The following PLK2 variants were observed in gnomAD, a reference collection of about 807,000 sequenced individuals.
PLK2 encodes serine/threonine-protein kinase PLK2.
PLK2 carries 25 observed loss-of-function variants against 78.1 expected under a neutral mutation model. The ratio of observed to expected loss-of-function variants is 0.32; its 90% CI spans 0.23 to 0.45. The LOEUF is 0.45. Ranked by LOEUF, PLK2 falls within the 20% of genes least tolerant of loss-of-function variation. The pLI is 1.00. For missense variants in PLK2, 566 were observed against 840.2 expected, an observed-to-expected ratio of 0.67 and a Z score of 4.04; for synonymous variants, 332 against 298.2, an observed-to-expected ratio of 1.11 and a Z score of -1.17.
In PLK2 at chr5:58,459,989, GCCACCC is replaced by G; in HGVS notation, c.-36_-31del. 6.4e-7 allele frequency: 1 copy of G among 1,557,724 alleles called. No individual in the cohort carries two copies. Among genetic ancestry groups the G allele is most frequent in the South Asian group, 1.2e-5 (1 of 83,054 alleles). ...GCCTTGCCGCCCCGCACTGCCCGCT[GCCACCC>G]CCTAGGCGCGGTCACACGTCCGAGC... On this transcript the variant is annotated 5_prime_UTR_variant, in exon 1 of 14. Transcript: ENST00000274289.
At position 58,457,181 on chromosome 5, in the gene PLK2, C is replaced by T. The variant is rs768339798; in HGVS notation, c.1008G>A (p.Gln336=). ...TAAAAAAAAAAGATAGTGCACCAAC[C>T]TGCAAAAAAAAGTCATGTCGAATGA... ...DDIIRHDFFL[Q]GFTPDRLSSS... is the part of the protein sequence containing the mutation. The change falls in exon 7 of 14, where the codon CAG becomes CAA. Residue 336 remains glutamine (Q), a splice_region_variant and synonymous_variant. Coordinates refer to ENST00000274289, the MANE Select transcript of PLK2 (RefSeq NM_006622.4). 8 of 1,613,590 alleles carry T rather than the reference C, an allele frequency of 5.0e-6. No homozygotes were observed. The South Asian group carries it at 8.8e-5, about 18-fold the overall frequency.
In PLK2 at chr5:58,458,142, G is replaced by C. The variant is rs1300193773; in HGVS notation, c.655C>G (p.Leu219Val). ...GCCAGACCGAAGTCCCCAACTTTTA[G>C]TTCCATGGCTTCATTAATAAAAAAG... ...GNFFINEAME[L>V]KVGDFGLAAR... The change falls in exon 5 of 14, where the codon CTA (leucine) becomes GTA (valine). Residue 219 changes from leucine to valine, a missense_variant. By Grantham distance (32) the Leu-to-Val change is conservative. Coordinates refer to ENST00000274289, the MANE Select transcript of PLK2 (RefSeq NM_006622.4). The C allele has an allele frequency of 6.2e-7, 1 of 1,612,722 alleles. No homozygotes were observed. The highest frequency in any genetic ancestry group is 1.3e-5 in the African/African-American group (1 of 74,852).
In PLK2 at chr5:58,456,460, G is replaced by A. The variant is rs372630494; in HGVS notation, c.1254+32C>T. ...ATAAAGAGTGGAAATAACGTAAAGC[G>A]TGAGTATCTACTTTACTCTTTCCCA... On this transcript the variant is annotated intron_variant, in intron 9 of 13. Coordinates refer to ENST00000274289, the MANE Select transcript of PLK2 (RefSeq NM_006622.4). The A allele has an allele frequency of 3.0e-5, 36 of 1,211,066 alleles. No individual in the cohort carries two copies. The African/African-American group carries it at 4.2e-4, about 14-fold the overall frequency. The allele number at this position is 1,211,066 out of a possible 1,614,324, so 75.0% of individuals were successfully genotyped here. A position where few individuals can be genotyped will look rare whatever the true frequency, so the allele number is the denominator to read the frequency against.
rs1280968964 is a variant in PLK2 at position 58,454,519 on chromosome 5, T to C, written c.*64A>G. 9.9e-6 allele frequency: 11 copies of C among 1,114,506 alleles called. No homozygotes were observed. The highest frequency in any genetic ancestry group is 1.4e-5 in the Non-Finnish European group (11 of 759,310). The allele number at this position is 1,114,506 out of a possible 1,614,324, so 69.0% of individuals were successfully genotyped here. On this transcript the variant is annotated 3_prime_UTR_variant, in exon 14 of 14. Coordinates refer to ENST00000274289, the MANE Select transcript of PLK2 (RefSeq NM_006622.4). Reference sequence around the variant, plus strand: ...CTTCAACATACTCTAGATCATTCTTTTGGCTTCCCTGTAGATCTCACAGTG... The same window carrying C: ...CTTCAACATACTCTAGATCATTCTTCTGGCTTCCCTGTAGATCTCACAGTG...
intron 1 of PLK2, chr5:58,459,411 G>T: frequency 1.8e-6 from 1 of 569,674 alleles, no homozygotes. Flanking sequence ...CAGATAGAGG[G>T]AGAGAGGTCT....
At position 58,459,760 on chromosome 5, in the gene PLK2, G is replaced by A; in HGVS notation, c.200C>T (p.Pro67Leu). 3 of 1,607,432 alleles carry A rather than the reference G, an allele frequency of 1.9e-6. No individual in the cohort carries two copies. The highest frequency in any genetic ancestry group is 1.7e-5 in the Admixed American group (1 of 59,986). Residue 67 changes from proline to leucine, a missense_variant, in exon 1 of 14, where the codon CCG becomes CTG. Pro to Leu is a moderately conservative substitution (Grantham distance 98, BLOSUM62 -3). Coordinates refer to ENST00000274289, the MANE Select transcript of PLK2 (RefSeq NM_006622.4). Reference protein sequence around the residue: ...HHHHHHSHSGPEISRIIVDPT... With the variant: ...HHHHHHSHSGLEISRIIVDPT... ...GTCGACGATAATCCGCGAGATCTCC[G>A]GCCCCGAGTGCGAATGGTGGTGATG...
chr5:58,454,761 T>C lies in PLK2; in HGVS notation c.1880A>G (p.His627Arg), dbSNP rs1183043787. ...NDGTFQVNFY[H>R]DHTKIIICSQ... Reference sequence around the variant, plus strand: ...ACAGATGATGATTTTTGTATGATCATGGTAGAAATTCACCTTAAAAAATAA... The same window carrying C: ...ACAGATGATGATTTTTGTATGATCACGGTAGAAATTCACCTTAAAAAATAA... Residue 627 changes from histidine to arginine, a missense_variant, in exon 14 of 14, where the codon CAT becomes CGT. This residue lies in a region of PLK2 where 130 missense variants were observed against 196.4 expected (regional missense o/e 0.66). Transcript: ENST00000274289. 5.6e-6 allele frequency: 9 copies of C among 1,604,922 alleles called. No homozygotes were observed. The highest frequency in any genetic ancestry group is 7.7e-6 in the Non-Finnish European group (9 of 1,174,152).
At position 58,459,112 on chromosome 5, in the gene PLK2, A is replaced by G; in HGVS notation, c.271-20T>C. The G allele has an allele frequency of 7.4e-7, 1 of 1,346,570 alleles. No homozygotes were observed. Among genetic ancestry groups the G allele is most frequent in the Non-Finnish European group, 1.1e-6 (1 of 935,936 alleles). The allele number at this position is 1,346,570 out of a possible 1,614,324, so 83.4% of individuals were successfully genotyped here. A position where few individuals can be genotyped will look rare whatever the true frequency, so the allele number is the denominator to read the frequency against. On this transcript the variant is annotated intron_variant, in intron 1 of 13. Coordinates refer to ENST00000274289, the MANE Select transcript of PLK2 (RefSeq NM_006622.4). ...GCCACCCTGAAAGGAAACAAAGCCG[A>G]GACGGAATTGAGGATGGCACAAAAA...
chr5:58,456,589 T>C lies in PLK2; in HGVS notation c.1157A>G (p.Asn386Ser). 1 of 1,528,222 alleles carries C rather than the reference T, an allele frequency of 6.5e-7. No homozygotes were observed. Among genetic ancestry groups the C allele is most frequent in the Non-Finnish European group, 9.1e-7 (1 of 1,104,320 alleles). 94.7% of individuals were successfully genotyped at this position (1,528,222 alleles called of 1,614,324 possible). A position where few individuals can be genotyped will look rare whatever the true frequency, so the allele number is the denominator to read the frequency against. The change falls in exon 9 of 14, where the codon AAT becomes AGT. Residue 386 changes from asparagine to serine, a missense_variant and splice_region_variant. Asn to Ser is a conservative substitution (Grantham distance 46, BLOSUM62 1). This residue lies in a region of PLK2 where 129 missense variants were observed against 156.0 expected (regional missense o/e 0.83). Coordinates refer to ENST00000274289, the MANE Select transcript of PLK2 (RefSeq NM_006622.4). Reference protein sequence around the residue: ...KDKARYIDTHNRVSKEDEDIY... With the variant: ...KDKARYIDTHSRVSKEDEDIY... ...GTCTTCATCTTCTTTAGACACTCTA[T>C]CTGTATATCAAGAAACAGAATTACA...
At chr5:58,456,296 G>A (rs1203469042) in intron 9 of PLK2, 141 bp from the exon 10 acceptor site, 25 of 849,624 alleles carry the variant, frequency 2.9e-5, no homozygotes, top group South Asian at 8.6e-5. Flanking sequence ...AAAAGATAAC[G>A]CAGTAAACTC....
chr5:58,454,649 G>A lies in PLK2; in HGVS notation c.1992C>T (p.Gly664=). The A allele has an allele frequency of 6.2e-7, 1 of 1,613,822 alleles. No individual in the cohort carries two copies. The highest frequency in any genetic ancestry group is 8.5e-7 in the Non-Finnish European group (1 of 1,179,718). ...TFRLTTLLMS[G]CSSELKNRME... Reference sequence around the variant, plus strand: ...TTCGATTTTTTAATTCTGATGAACAGCCAGACATCAGCAGAGTTGTCAGCC... The same window carrying A: ...TTCGATTTTTTAATTCTGATGAACAACCAGACATCAGCAGAGTTGTCAGCC... Residue 664 remains glycine, a synonymous_variant, in exon 14 of 14, where the codon GGC becomes GGT. Coordinates refer to ENST00000274289, the MANE Select transcript of PLK2 (RefSeq NM_006622.4).
In PLK2 at chr5:58,456,280, C is replaced by A. The variant is rs1743600988; in HGVS notation, c.1255-125G>T. 4.2e-6 allele frequency: 4 copies of A among 951,418 alleles called. No individual in the cohort carries two copies. In the East Asian group the frequency reaches 1.0e-4, roughly 24 times the overall value. The allele number at this position is 951,418 out of a possible 1,614,324, so 58.9% of individuals were successfully genotyped here. On this transcript the variant is annotated intron_variant, in intron 9 of 13. Coordinates refer to ENST00000274289, the MANE Select transcript of PLK2 (RefSeq NM_006622.4). ...CTCATCAAAAAGCAATGGACACAAG[C>A]CAGATAAAAGATAACGCAGTAAACT... is the stretch of plus-strand genomic sequence containing the variant.
At chr5:58,456,332 G>A in intron 9 of PLK2, 160 bp downstream of exon 9, 1 of 767,840 alleles carries the variant, frequency 1.3e-6, no homozygotes, top group Non-Finnish European at 2.1e-6. Flanking sequence ...AAAACTAAAA[G>A]ACTTCCTTTT....
In PLK2 at chr5:58,458,757, T is replaced by C; in HGVS notation, c.463A>G (p.Ile155Val). ...CTGCAGTATTCCAAGAGAATGTAAA[T>C]GTTTTCTTTGTCCTCGAAGTAGTGG... is the stretch of plus-strand genomic sequence containing the variant. ...FYHYFEDKEN[I>V]YILLEYCSRR... Residue 155 changes from isoleucine (I) to valine (V), a missense_variant, in exon 3 of 14, where the codon ATT (isoleucine) becomes GTT (valine). This residue lies in a region of PLK2 where 179 missense variants were observed against 342.3 expected (regional missense o/e 0.52). Transcript: ENST00000274289. The C allele has an allele frequency of 2.5e-6, 4 of 1,586,432 alleles. No individual in the cohort carries two copies. Among genetic ancestry groups the C allele is most frequent in the Non-Finnish European group, 3.5e-6 (4 of 1,154,742 alleles).
intron 11 of PLK2, 44 bp from the exon 12 acceptor site, chr5:58,455,458 A>G: frequency 6.2e-7 from 1 of 1,610,204 alleles, no homozygotes; most frequent in Non-Finnish European, 8.5e-7. Flanking sequence ...AAAAAAAAAT[A>G]GAAGCAGTTA....
At chr5:58,456,378 A>C (rs548367728) in intron 9 of PLK2, 114 bp downstream of exon 9, 132 of 846,502 alleles carry the variant, frequency 1.6e-4, no homozygotes, top group Non-Finnish European at 2.3e-4. Flanking sequence ...TTGAAGAAAA[A>C]CTTTAAGTAA....
Position 58,454,533 on chromosome 5 carries a change from G to C in PLK2, c.*50C>G, listed in dbSNP as rs1743546840. 5 of 1,260,372 alleles carry C rather than the reference G, an allele frequency of 4.0e-6. No homozygotes were observed. The East Asian group carries it at 9.3e-5, about 23-fold the overall frequency. 78.1% of individuals were successfully genotyped at this position (1,260,372 alleles called of 1,614,324 possible). On this transcript the variant is annotated 3_prime_UTR_variant, in exon 14 of 14. Coordinates refer to ENST00000274289, the MANE Select transcript of PLK2 (RefSeq NM_006622.4). ...AGATCATTCTTTTGGCTTCCCTGTA[G>C]ATCTCACAGTGGAAAAGAGGAGTCC...
chr5:58,457,779 A>T (rs1743648225), intron 5 of PLK2, 196 bp from the exon 6 acceptor site: 1 of 592,696 alleles, frequency 1.7e-6, no homozygotes, highest in South Asian at 2.1e-5. Flanking sequence ...GGTAATTTTT[A>T]AAAATGCACA....
In PLK2 at chr5:58,457,063, G is replaced by A. The variant is rs751490959; in HGVS notation, c.1038C>T (p.Ser346=). The change falls in exon 8 of 14, where the codon AGC becomes AGT. Residue 346 remains serine (S), a synonymous_variant. Coordinates refer to ENST00000274289, the MANE Select transcript of PLK2 (RefSeq NM_006622.4). ...QGFTPDRLSS[S]CCHTVPDFHL... is the part of the protein sequence containing the mutation. ...GGAAATCTGGAACTGTATGACAACA[G>A]CTAGAAGACAGTCTGTCCGGAGTGA... is the stretch of plus-strand genomic sequence containing the variant. 6 of 1,613,686 alleles carry A rather than the reference G, an allele frequency of 3.7e-6. No individual in the cohort carries two copies. Among genetic ancestry groups the A allele is most frequent in the East Asian group, 4.5e-5 (2 of 44,870 alleles).
Sources: allele counts gnomAD v4.1 joint callset, GRCh38; gene constraint gnomAD v4.1.1; regional missense constraint gnomAD v4.1.1; transcripts MANE v1.5; gene names NCBI Gene and HGNC (gene_info 2026-07-23, HGNC 2026-07-21).